SHISA2: variants seen among roughly 807,000 people sequenced by gnomAD.
The protein encoded by SHISA2 is shisa family member 2, also known as protein shisa-2 homolog.
SHISA2 carries 16 observed loss-of-function variants against 23.8 expected under a neutral mutation model. That is an observed-to-expected ratio of 0.67 (90% CI 0.46 to 1.02). The LOEUF (loss-of-function observed/expected upper bound fraction) is 1.02. SHISA2 is among the 50% of genes least tolerant of loss of function. The pLI is 0.00. For missense variants in SHISA2, 459 were observed against 420.1 expected, an observed-to-expected ratio of 1.09 and a Z score of -0.81; for synonymous variants, 201 against 178.6, an observed-to-expected ratio of 1.13 and a Z score of -1.00.
rs563407725 is a variant in SHISA2, at chr13:26,047,148, G to C, written c.335-82C>G. The C allele has an allele frequency of 2.9e-6, 4 of 1,381,236 alleles. No homozygotes were observed. In the East Asian group the frequency reaches 7.4e-5, roughly 26 times the overall value. The allele number at this position is 1,381,236 out of a possible 1,614,324, so 85.6% of individuals were successfully genotyped here. On this transcript the variant is annotated intron_variant, in intron 1 of 1. Transcript: ENST00000319420. Reference sequence around the variant, plus strand: ...TCGCCAACTGGCAATGGCAATGAATGAATGAGCAACACTGATACCCACAGC... The same window carrying C: ...TCGCCAACTGGCAATGGCAATGAATCAATGAGCAACACTGATACCCACAGC...
At position 26,049,482 on chromosome 13, in the gene SHISA2, C is replaced by T. The variant is rs1205453948; in HGVS notation, c.334+1160G>A. On this transcript the variant is annotated intron_variant, in intron 1 of 1. Coordinates refer to ENST00000319420, the MANE Select transcript of SHISA2 (RefSeq NM_001007538.2). ...TAGCAGACATCTCACTGTAGCAGTT[C>T]GGGGTCTGGCTCCCTTCTCTGGGCT... Among the ~76,000 whole-genome samples the T allele has an allele frequency of 2.6e-5, 4 of 152,150 alleles. No individual in the cohort carries two copies. In the South Asian group the frequency reaches 6.2e-4, roughly 24 times the overall value.
In SHISA2 at chr13:26,050,545, G is replaced by T; in HGVS notation, c.334+97C>A. The T allele has an allele frequency of 2.5e-6, 3 of 1,221,992 alleles. No individual in the cohort carries two copies. The African/African-American group carries it at 4.8e-5, about 20-fold the overall frequency. 75.7% of individuals were successfully genotyped at this position (1,221,992 alleles called of 1,614,324 possible). A position where few individuals can be genotyped will look rare whatever the true frequency, so the allele number is the denominator to read the frequency against. On this transcript the variant is annotated intron_variant, in intron 1 of 1. Coordinates refer to ENST00000319420, the MANE Select transcript of SHISA2 (RefSeq NM_001007538.2). ...GGCAGACTCCGCCTCCTGGTCCTAG[G>T]CCCTTTCCTGAATTTCCCCCCTTCA... is the stretch of plus-strand genomic sequence containing the variant.
intron 1 of SHISA2, 47 bp downstream of exon 1, chr13:26,050,595 G>T (rs1016643279): frequency 7.3e-7 from 1 of 1,371,396 alleles, no homozygotes; most frequent in Non-Finnish European, 9.4e-7. Context: ...TGACGTCCAG[G>T]CAACGCCAAC....
chr13:26,051,869 C>T lies in SHISA2; in HGVS notation c.-894G>A, dbSNP rs1423005050. On this transcript the variant is annotated 5_prime_UTR_variant, in exon 1 of 2. Coordinates refer to ENST00000319420, the MANE Select transcript of SHISA2 (RefSeq NM_001007538.2). ...CAGCCTCCGGCCGGCTCTCCCTCTC[C>T]CGGTCGCTGCCTCGCCCTCGGGAGG... 6.6e-6 allele frequency among the ~76,000 whole-genome samples: 1 copy of T among 152,168 alleles called. No homozygotes were observed. The highest frequency in any genetic ancestry group is 6.5e-5 in the Admixed American group (1 of 15,280).
At chr13:26,047,179 G>T in intron 1 of SHISA2, 113 bp from the exon 2 acceptor site, 1 of 1,132,544 alleles carries the variant, frequency 8.8e-7, no homozygotes. Flanking sequence ...ACAGCTGAAG[G>T]ACCTACACTG....
intron 1 of SHISA2, among the ~76,000 whole-genome samples, chr13:26,048,031 G>A (rs1368169593): frequency 1.3e-5 from 2 of 152,170 alleles, no homozygotes; most frequent in African/African-American, 2.4e-5. Flanking sequence ...GGCGGGGCAC[G>A]GTGGCTCACG....
Position 26,046,770 on chromosome 13 carries a change from C to T in SHISA2, c.631G>A (p.Gly211Arg). ...TTGACATACACGTTGTTCATGGTCC[C>T]TTCCGGCAAGCAACAGTTGGTCTGT... is the stretch of plus-strand genomic sequence containing the variant. ...RSQTNCCLPE[G>R]TMNNVYVNMP... The change falls in exon 2 of 2, where the codon GGG (glycine) becomes AGG (arginine). Residue 211 changes from glycine to arginine, a missense_variant. Coordinates refer to ENST00000319420, the MANE Select transcript of SHISA2 (RefSeq NM_001007538.2). 6.2e-7 allele frequency: 1 copy of T among 1,614,224 alleles called. No homozygotes were observed. Among genetic ancestry groups the T allele is most frequent in the Non-Finnish European group, 8.5e-7 (1 of 1,180,046 alleles).
rs1957255925 is a variant in SHISA2 at position 26,044,803 on chromosome 13, T to C, written c.*1710A>G. On this transcript the variant is annotated 3_prime_UTR_variant, in exon 2 of 2. Transcript: ENST00000319420. The stretch of plus-strand genomic sequence containing the variant: ...TACAGCGATTTGTTTAATTACAAAA[T>C]ACTGGTTGTGCTAGCAGTTGGAAAT... The C allele has an allele frequency of 6.6e-6, 1 of 152,238 alleles. No individual in the cohort carries two copies. The allele number at this position is 152,238 out of a possible 1,614,324, so 9.4% of individuals were successfully genotyped here.
chr13:26,051,075 C>T lies in SHISA2; in HGVS notation c.-100G>A, dbSNP rs1593750287. The T allele has an allele frequency of 5.3e-6, 6 of 1,137,364 alleles. No individual in the cohort carries two copies. Among genetic ancestry groups the T allele is most frequent in the Non-Finnish European group, 7.0e-6 (6 of 852,124 alleles). The allele number at this position is 1,137,364 out of a possible 1,614,324, so 70.5% of individuals were successfully genotyped here. ...CCCCCGGGCCTCGTCACTGACTGTC[C>T]CGCGGCGCTTTCCGCGCGGGCCACT... On this transcript the variant is annotated 5_prime_UTR_variant, in exon 1 of 2. Coordinates refer to ENST00000319420, the MANE Select transcript of SHISA2 (RefSeq NM_001007538.2).
intron 1 of SHISA2, among the ~76,000 whole-genome samples, chr13:26,050,192 G>A (rs112824735): frequency 6.6e-6 from 1 of 152,166 alleles, no homozygotes; most frequent in Non-Finnish European, 1.5e-5. Context: ...GCACGGGGCA[G>A]CAGCCCCGGG....
At chr13:26,050,147 C>CGCTGCAGGGGAGAGGGGCT (rs1353631870) in intron 1 of SHISA2, among the ~76,000 whole-genome samples, 6 of 152,300 alleles carry the variant, frequency 3.9e-5, no homozygotes, top group African/African-American at 1.2e-4. Context: ...GGAGAGGGGC[C>CGCTGCAGGGGAGAGGGGCT]GCCGCGTGGA....
At chr13:26,047,287 C>T (rs1957275239) in intron 1 of SHISA2, among the ~76,000 whole-genome samples, 2 of 152,272 alleles carry the variant, frequency 1.3e-5, no homozygotes, top group Non-Finnish European at 1.5e-5. Context: ...CAGGTCAGCC[C>T]CTAGAAGCAA....
At position 26,051,581 on chromosome 13, in the gene SHISA2, G is replaced by A. The variant is rs1320629134; in HGVS notation, c.-606C>T. On this transcript the variant is annotated 5_prime_UTR_variant, in exon 1 of 2. Transcript: ENST00000319420. ...CGCATGGCTCCGGCCGGGCCGCCCGGGCAGCCCACGGGGGTGCAGCCCCGA... is the reference window on the plus strand; with the variant it reads ...CGCATGGCTCCGGCCGGGCCGCCCGAGCAGCCCACGGGGGTGCAGCCCCGA... Among the ~76,000 whole-genome samples the A allele has an allele frequency of 1.3e-5, 2 of 152,006 alleles. No individual in the cohort carries two copies. The highest frequency in any genetic ancestry group is 3.4e-3 in the Middle Eastern group (1 of 290).
In SHISA2 at chr13:26,046,777, C is replaced by T. The variant is rs200507580; in HGVS notation, c.624G>A (p.Leu208=). The T allele has an allele frequency of 4.0e-5, 65 of 1,614,114 alleles. 1 individual carries two copies. Among genetic ancestry groups the T allele is most frequent in the Middle Eastern group, 1.6e-4 (1 of 6,084 alleles). Residue 208 remains leucine (L), a synonymous_variant, in exon 2 of 2, where the codon TTG becomes TTA. Coordinates refer to ENST00000319420, the MANE Select transcript of SHISA2 (RefSeq NM_001007538.2). ...ACACGTTGTTCATGGTCCCTTCCGG[C>T]AAGCAACAGTTGGTCTGTGACCTTG... ...PPTRSQTNCC[L]PEGTMNNVYV...
In SHISA2 at chr13:26,050,819, G is replaced by A. The variant is rs1350593704; in HGVS notation, c.157C>T (p.Gln53Ter). Reference protein sequence around the residue: ...DAQGVWRIGFQCPERFDGGDA... With the variant: ...DAQGVWRIGF ...CCGCCGTCGAAGCGCTCGGGACACTGGAAGCCGATGCGCCAGACGCCCTGC... is the reference window on the plus strand; with the variant it reads ...CCGCCGTCGAAGCGCTCGGGACACTAGAAGCCGATGCGCCAGACGCCCTGC... The change falls in exon 1 of 2, where the codon CAG (glutamine) becomes TAG (stop). Residue 53 changes from glutamine to a stop codon, truncating the protein, a stop_gained. Transcript: ENST00000319420. LOFTEE classifies it high-confidence loss of function. 7 of 1,540,516 alleles carry A rather than the reference G, an allele frequency of 4.5e-6. No individual in the cohort carries two copies. The highest frequency in any genetic ancestry group is 6.1e-6 in the Non-Finnish European group (7 of 1,153,978).
Position 26,050,669 on chromosome 13 carries a change from C to T in SHISA2, c.307G>A (p.Asp103Asn). 1 of 1,447,564 alleles carries T rather than the reference C, an allele frequency of 6.9e-7. No homozygotes were observed. Among genetic ancestry groups the T allele is most frequent in the South Asian group, 1.4e-5 (1 of 72,432 alleles). 89.7% of individuals were successfully genotyped at this position (1,447,564 alleles called of 1,614,324 possible). ...GCCGAGCCGTCGGGGCCGTCTTTGT[C>T]CGCCCGGCCAGGCTCGCCAGCGCCC... is the stretch of plus-strand genomic sequence containing the variant. Reference protein sequence around the residue: ...QQGAGEPGRADKDGPDGSAVP... With the variant: ...QQGAGEPGRANKDGPDGSAVP... Residue 103 changes from aspartate (D) to asparagine (N), a missense_variant, in exon 1 of 2, where the codon GAC becomes AAC. By Grantham distance (23) the Asp-to-Asn change is conservative. Transcript: ENST00000319420.
Position 26,050,871 on chromosome 13 carries a change from G to C in SHISA2, c.105C>G (p.Gly35=), listed in dbSNP as rs1373719525. 6.6e-7 allele frequency: 1 copy of C among 1,523,944 alleles called. No individual in the cohort carries two copies. Among genetic ancestry groups the C allele is most frequent in the South Asian group, 1.2e-5 (1 of 82,848 alleles). The allele number at this position is 1,523,944 out of a possible 1,614,324, so 94.4% of individuals were successfully genotyped here. ...ALLAAGARAS[G]EYCHGWLDAQ... ...CGTCCAGCCAGCCGTGGCAGTACTC[G>C]CCGCTGGCCCTCGCCCCCGCCGCCA... Residue 35 remains glycine, a synonymous_variant, in exon 1 of 2, where the codon GGC becomes GGG. Transcript: ENST00000319420.
At position 26,046,805 on chromosome 13, in the gene SHISA2, G is replaced by A; in HGVS notation, c.596C>T (p.Pro199Leu). ...GCAACAGTTGGTCTGTGACCTTGTT[G>A]GGGGCGCCCGGGCCCCTGAGTTGGC... Reference protein sequence around the residue: ...SSANSGARAPPTRSQTNCCLP... With the variant: ...SSANSGARAPLTRSQTNCCLP... Residue 199 changes from proline (P) to leucine (L), a missense_variant, in exon 2 of 2, where the codon CCA (proline) becomes CTA (leucine). By Grantham distance (98) the Pro-to-Leu change is moderately conservative (BLOSUM62 -3). Coordinates refer to ENST00000319420, the MANE Select transcript of SHISA2 (RefSeq NM_001007538.2). 6.2e-7 allele frequency: 1 copy of A among 1,614,166 alleles called. No individual in the cohort carries two copies. Among genetic ancestry groups the A allele is most frequent in the Non-Finnish European group, 8.5e-7 (1 of 1,180,026 alleles).
chr13:26,047,055 C>G lies in SHISA2; in HGVS notation c.346G>C (p.Val116Leu). Reference sequence around the variant, plus strand: ...ACGGAGCCAACAATGAGGAACGGCACGTAGATGGGCACTGAAGCAAAGGAC... The same window carrying G: ...ACGGAGCCAACAATGAGGAACGGCAGGTAGATGGGCACTGAAGCAAAGGAC... ...GPDGSAVPIY[V>L]PFLIVGSVFV... Residue 116 changes from valine to leucine, a missense_variant, in exon 2 of 2, where the codon GTG becomes CTG. Transcript: ENST00000319420. 6.5e-7 allele frequency: 1 copy of G among 1,544,786 alleles called. No homozygotes were observed. Among genetic ancestry groups the G allele is most frequent in the Non-Finnish European group, 8.7e-7 (1 of 1,144,392 alleles).
Sources: gnomAD v4.1 joint callset for allele counts (sites outside exome capture counted in the v4.1 genomes callset) on GRCh38, gnomAD v4.1.1 for gene constraint, MANE v1.5 for transcripts, NCBI Gene and HGNC (gene_info 2026-07-23, HGNC 2026-07-21) for gene names.